Variants in SSBP3 observed in about 807,000 individuals in gnomAD.
The protein encoded by SSBP3 is single stranded DNA binding protein 3, also known as single-stranded DNA-binding protein 3.
In SSBP3, 5 loss-of-function variants were observed where a neutral mutation model predicts 69.6. The ratio of observed to expected loss-of-function variants is 0.07; its 90% confidence interval spans 0.04 to 0.15. The LOEUF is 0.15. Ranked by LOEUF, SSBP3 falls within the 10% of genes least tolerant of loss-of-function variation. SSBP3 has a pLI of 1.00. For synonymous variants in SSBP3, 196 were observed against 193.4 expected (o/e 1.01, Z -0.11); for missense variants, 312 against 534.0 (o/e 0.58, Z 4.10).
At chr1:54,378,164 T>C (rs1192518285) in intron 4 of SSBP3, among the ~76,000 whole-genome samples, 2 of 152,188 alleles carry the variant, frequency 1.3e-5, no homozygotes, top group African/African-American at 4.8e-5. Context: ...TTCCCATTTT[T>C]ATAACAAATG....
At chr1:54,314,084 T>C (rs1265142293) in intron 4 of SSBP3, among the ~76,000 whole-genome samples, 3 of 152,158 alleles carry the variant, frequency 2.0e-5, no homozygotes, top group Non-Finnish European at 4.4e-5. Context: ...TTTTCAGATC[T>C]ATGAGGTATC....
At chr1:54,281,459 G>T in exon 5 of SSBP3, 1 of 1,565,410 alleles carries the variant, frequency 6.4e-7, no homozygotes, top group Non-Finnish European at 8.7e-7. Context: ...CTGGCGGGAT[G>T]GGGCCTCCCG....
intron 4 of SSBP3, among the ~76,000 whole-genome samples, chr1:54,329,494 C>T (rs1569831302): frequency 1.3e-5 from 2 of 152,186 alleles, no homozygotes; most frequent in African/African-American, 2.4e-5. Flanking sequence ...TGGGAGGAGG[C>T]AGGATGGCCT....
chr1:54,402,908 C>G (rs1253250734), intron 3 of SSBP3, among the ~76,000 whole-genome samples: 3 of 152,192 alleles, frequency 2.0e-5, no homozygotes, highest in Non-Finnish European at 4.4e-5. Flanking sequence ...ACAGAACAAG[C>G]TTAAAGGGTA....
At chr1:54,401,908 T>C (rs1409619290) in exon 4 of SSBP3, 1 of 1,614,162 alleles carries the variant, frequency 6.2e-7, no homozygotes, top group Non-Finnish European at 8.5e-7. Context: ...CAAGTGTCTC[T>C]CCTTTCAGGA....
At chr1:54,336,520 G>A (rs1021675147) in intron 4 of SSBP3, among the ~76,000 whole-genome samples, 11 of 152,120 alleles carry the variant, frequency 7.2e-5, no homozygotes, top group Non-Finnish European at 1.5e-4. Flanking sequence ...CCAAGCCCAC[G>A]GAGCCAATGG....
At chr1:54,264,654 G>T (rs1291473780) in intron 5 of SSBP3, among the ~76,000 whole-genome samples, 1 of 152,234 alleles carries the variant, frequency 6.6e-6, no homozygotes, top group Non-Finnish European at 1.5e-5. Flanking sequence ...GCGAGGTGGG[G>T]AGTATAGGCT....
chr1:54,339,162 G>GAA (rs1050376980), intron 4 of SSBP3, among the ~76,000 whole-genome samples: 47 of 149,524 alleles, frequency 3.1e-4, no homozygotes, highest in African/African-American at 1.1e-3. Context: ...ATCTGTAACA[G>GAA]AAAAAAAAAG....
At chr1:54,333,279 C>T (rs1469864538) in intron 4 of SSBP3, among the ~76,000 whole-genome samples, 2 of 152,196 alleles carry the variant, frequency 1.3e-5, no homozygotes, top group South Asian at 2.1e-4. Flanking sequence ...TGCATCCTCC[C>T]GCCTCCTCTG....
intron 4 of SSBP3, among the ~76,000 whole-genome samples, chr1:54,359,800 G>A (rs545518964): frequency 6.6e-6 from 1 of 151,976 alleles, no homozygotes; most frequent in African/African-American, 2.4e-5. Context: ...ATTTCAGGAG[G>A]GTGCGATGCC....
Position 54,378,986 on chromosome 1 carries a change from C to T in SSBP3, c.276+22875G>A, listed in dbSNP as rs778767319. Among the ~76,000 whole-genome samples the T allele has an allele frequency of 2.3e-4, 35 of 152,264 alleles. 1 individual carries two copies. The highest frequency in any genetic ancestry group is 9.1e-4 in the Admixed American group (14 of 15,304). ...CCACACCCTCCCCACCCAGGCCAGA[C>T]ACAAGACGCTGGCTCTCCTGGCCCC... On this transcript the variant is annotated intron_variant, in intron 4 of 17. Coordinates refer to ENST00000610401, the Ensembl canonical transcript of SSBP3.
At chr1:54,405,080 G>A (rs1030631030) in intron 1 of SSBP3, 150 bp from the exon 2 acceptor site, 4 of 705,792 alleles carry the variant, frequency 5.7e-6, no homozygotes, top group Admixed American at 2.2e-5. Context: ...ACCCCAAACA[G>A]GGCCGCCAGG....
intron 4 of SSBP3, among the ~76,000 whole-genome samples, chr1:54,385,221 A>T (rs1647989150): frequency 1.3e-5 from 2 of 152,284 alleles, no homozygotes; most frequent in South Asian, 4.1e-4. Context: ...AGGGAGCAGG[A>T]TGAAACACAT....
At chr1:54,348,243 GGGGC>G (rs202010920) in intron 4 of SSBP3, among the ~76,000 whole-genome samples, 42 of 98,898 alleles carry the variant, frequency 4.2e-4, no homozygotes, top group South Asian at 4.0e-3. Context: ...GAAGGCATGG[GGGGC>G]GGGGGGGGGG....
intron 14 of SSBP3, among the ~76,000 whole-genome samples, chr1:54,235,292 T>G (rs1335020349): frequency 8.9e-6 from 1 of 112,976 alleles, no homozygotes. Context: ...TTTTTTTTTT[T>G]TTTTTTTGAG....
At chr1:54,329,445 C>T (rs1355425024) in intron 4 of SSBP3, among the ~76,000 whole-genome samples, 1 of 152,240 alleles carries the variant, frequency 6.6e-6, no homozygotes, top group Non-Finnish European at 1.5e-5. Context: ...CTGCATGTGA[C>T]AGTCCCAGCC....
chr1:54,371,655 C>T (rs1169639585), intron 4 of SSBP3, among the ~76,000 whole-genome samples: 1 of 152,194 alleles, frequency 6.6e-6, no homozygotes, highest in Non-Finnish European at 1.5e-5. Context: ...AGTTAACAAT[C>T]ATCAATATCG....
chr1:54,299,616 T>C (rs11206326), intron 4 of SSBP3, among the ~76,000 whole-genome samples: 6,307 of 152,204 alleles, frequency 0.041, 429 homozygotes, highest in Admixed American at 0.18. Flanking sequence ...AAAGGGGCTA[T>C]GGGCAATCCC....
At chr1:54,295,536 GCAGGAGCTC>G (rs1010509274) in intron 4 of SSBP3, among the ~76,000 whole-genome samples, 8 of 152,176 alleles carry the variant, frequency 5.3e-5, no homozygotes, top group African/African-American at 1.9e-4. Context: ...TGGATTTAGG[GCAGGAGCTC>G]CAGCTCTTGG....
Sources: gnomAD v4.1 joint callset for allele counts (sites outside exome capture counted in the v4.1 genomes callset) on GRCh38, gnomAD v4.1.1 for gene constraint, MANE v1.5 for transcripts, NCBI Gene and HGNC (gene_info 2026-07-23, HGNC 2026-07-21) for gene names.